The following RBFOX1 variants were observed in gnomAD, a reference collection of about 807,000 sequenced individuals.
RBFOX1 encodes the protein RNA binding protein fox-1 homolog 1.
In RBFOX1, 8 loss-of-function variants were observed where a neutral mutation model predicts 57.7. The ratio of observed to expected loss-of-function variants is 0.14; its 90% CI spans 0.08 to 0.25. The LOEUF (loss-of-function observed/expected upper bound fraction) is 0.25, where lower values mean the gene tolerates loss of function less well. Among genes scored for constraint, RBFOX1 ranks in the 10% least tolerant of loss-of-function variants. The pLI is 1.00. For missense variants in RBFOX1, 611 were observed against 548.5 expected, an observed-to-expected ratio of 1.11 and a Z score of -1.14; for synonymous variants, 326 against 222.4, an observed-to-expected ratio of 1.47 and a Z score of -4.15.
intron 4 of RBFOX1, among the ~76,000 whole-genome samples, chr16:7,358,486 T>C (rs963741343): frequency 2.6e-5 from 4 of 152,180 alleles, no homozygotes; most frequent in African/African-American, 9.7e-5. Context: ...AGCGGCGCGA[T>C]CTCAGCTCAC....
chr16:5,899,543 G>T (rs1268030678), intron 4 of RBFOX1, among the ~76,000 whole-genome samples: 1 of 152,164 alleles, frequency 6.6e-6, no homozygotes, highest in East Asian at 1.9e-4. Flanking sequence ...GAATTCCACG[G>T]GTTTCACAGA....
intron 2 of RBFOX1, among the ~76,000 whole-genome samples, chr16:6,438,186 T>C (rs745811956): frequency 1.1e-4 from 16 of 152,248 alleles, no homozygotes; most frequent in Non-Finnish European, 2.1e-4. Flanking sequence ...GACCGTACAA[T>C]GTAATAATTA....
intron 1 of RBFOX1, among the ~76,000 whole-genome samples, chr16:5,465,858 A>G (rs899060745): frequency 1.3e-5 from 2 of 152,130 alleles, no homozygotes; most frequent in Non-Finnish European, 2.9e-5. Flanking sequence ...TTTCTCCAGA[A>G]TGGCCAGATA....
intron 2 of RBFOX1, among the ~76,000 whole-genome samples, chr16:6,566,148 G>A (rs2097262750): frequency 6.6e-6 from 1 of 152,186 alleles, no homozygotes; most frequent in African/African-American, 2.4e-5. Flanking sequence ...AAGACATTCA[G>A]CTATGCCTAA....
At chr16:7,227,868 C>T (rs1201496479) in intron 4 of RBFOX1, among the ~76,000 whole-genome samples, 1 of 152,212 alleles carries the variant, frequency 6.6e-6, no homozygotes, top group Non-Finnish European at 1.5e-5. Context: ...GTTTTTACTC[C>T]TTGCTTTAAT....
At chr16:7,129,154 T>C (rs1019980928) in intron 4 of RBFOX1, among the ~76,000 whole-genome samples, 1 of 152,178 alleles carries the variant, frequency 6.6e-6, no homozygotes, top group African/African-American at 2.4e-5. Flanking sequence ...GTTAGATTTT[T>C]AGCAGGATTC....
chr16:5,338,321 G>A (rs2064949733), intron 1 of RBFOX1, among the ~76,000 whole-genome samples: 1 of 152,188 alleles, frequency 6.6e-6, no homozygotes, highest in South Asian at 2.1e-4. Context: ...TCTCTCCTGG[G>A]ACTTTATAAT....
chr16:5,988,816 C>T (rs769755169), intron 4 of RBFOX1, among the ~76,000 whole-genome samples: 5 of 152,060 alleles, frequency 3.3e-5, no homozygotes, highest in Non-Finnish European at 2.9e-5. Flanking sequence ...AGCTTAAATG[C>T]ATAGTGATAG....
chr16:5,792,300 A>G (rs1032658233), intron 3 of RBFOX1, among the ~76,000 whole-genome samples: 2 of 152,152 alleles, frequency 1.3e-5, no homozygotes, highest in Non-Finnish European at 2.9e-5. Flanking sequence ...TCTTAGATAC[A>G]CTAGAGAGAC....
At chr16:6,030,655 C>T (rs575051302) in intron 1 of RBFOX1, among the ~76,000 whole-genome samples, 1 of 152,280 alleles carries the variant, frequency 6.6e-6, no homozygotes, top group African/African-American at 2.4e-5. Flanking sequence ...CCCTTTAAAA[C>T]ACCAGGAACC....
intron 4 of RBFOX1, among the ~76,000 whole-genome samples, chr16:7,318,085 A>T (rs2096478820): frequency 6.6e-6 from 1 of 151,202 alleles, no homozygotes; most frequent in Non-Finnish European, 1.5e-5. Flanking sequence ...AGTGGTGATG[A>T]AGGTGATGGT....
At chr16:7,573,808 C>T (rs3826213) in intron 5 of RBFOX1, among the ~76,000 whole-genome samples, 46,527 of 151,134 alleles carry the variant, frequency 0.31, 8,597 homozygotes, top group East Asian at 0.52. Context: ...AGACTCCAGC[C>T]TGGGCAACAG....
At chr16:5,465,662 G>A (rs117749024) in intron 1 of RBFOX1, among the ~76,000 whole-genome samples, 1 of 152,184 alleles carries the variant, frequency 6.6e-6, no homozygotes, top group African/African-American at 2.4e-5. Context: ...TAATTTCATG[G>A]TCATGGGCTC....
In RBFOX1 at chr16:5,774,145, G is replaced by A. The variant is rs151272736; in HGVS notation, c.319-93158G>A. 7.5e-4 allele frequency among the ~76,000 whole-genome samples: 114 copies of A among 152,314 alleles called. 1 individual carries two copies. The highest frequency in any genetic ancestry group is 6.5e-3 in the Admixed American group (100 of 15,300). On this transcript the variant is annotated intron_variant, in intron 3 of 19. Transcript: ENST00000641259. ...GCATCATGAGTTAGCCTGTGCAGGA[G>A]GAGGAGGAGTGGGTTTATCCCCATC...
At chr16:5,352,925 G>A (rs1420345099) in intron 1 of RBFOX1, among the ~76,000 whole-genome samples, 1 of 151,718 alleles carries the variant, frequency 6.6e-6, no homozygotes, top group Non-Finnish European at 1.5e-5. Flanking sequence ...CCTGGGTGAT[G>A]GAATGAGACC....
intron 1 of RBFOX1, among the ~76,000 whole-genome samples, chr16:6,188,865 G>T (rs2152805547): frequency 6.6e-6 from 1 of 151,518 alleles, no homozygotes; most frequent in East Asian, 2.0e-4. Flanking sequence ...ATTGCCAAAA[G>T]TAGTAGTGGA....
intron 1 of RBFOX1, among the ~76,000 whole-genome samples, chr16:6,304,876 C>CAAAAAAAAAAAAAAAAAAAAAAAAAAA (rs58680911): frequency 1.3e-5 from 1 of 79,676 alleles, no homozygotes; most frequent in African/African-American, 6.1e-5. Context: ...GACCCTGTCT[C>CAAAAAAAAAAAAAAAAAAAAAAAAAAA]AAAAAAAAAA....
intron 4 of RBFOX1, among the ~76,000 whole-genome samples, chr16:7,443,532 C>G (rs928416859): frequency 2.0e-5 from 3 of 151,918 alleles, no homozygotes; most frequent in African/African-American, 7.3e-5. Context: ...ACCCAACAAC[C>G]TTGTTGGTGT....
chr16:6,157,065 G>A (rs942367702), intron 1 of RBFOX1, among the ~76,000 whole-genome samples: 4 of 151,974 alleles, frequency 2.6e-5, no homozygotes, highest in African/African-American at 9.6e-5. Flanking sequence ...CTCACTCCTG[G>A]TCTCCAGTGA....
Sources: allele counts gnomAD v4.1 joint callset (sites outside exome capture counted in the v4.1 genomes callset), GRCh38; gene constraint gnomAD v4.1.1; transcripts MANE v1.5; gene names NCBI Gene and HGNC (gene_info 2026-07-23, HGNC 2026-07-21).